VPS13A: variants seen among roughly 807,000 people sequenced by gnomAD.
VPS13A encodes vacuolar protein sorting 13 homolog A, also known as intermembrane lipid transfer protein VPS13A.
A neutral mutation model predicts 390.9 loss-of-function variants in VPS13A; 264 were observed. That is an observed-to-expected ratio of 0.68 (90% confidence interval 0.61 to 0.75). VPS13A has a LOEUF of 0.75. VPS13A is among the 30% of genes least tolerant of loss of function. The pLI, the probability that VPS13A is intolerant of heterozygous loss-of-function variation, is 0.00. For missense variants in VPS13A, 3,409 were observed against 3,733.9 expected (o/e 0.91, Z 2.27); for synonymous variants, 1,231 against 1,227.1 (o/e 1.00, Z -0.07).
intron 1 of VPS13A, among the ~76,000 whole-genome samples, chr9:77,180,732 ATC>A (rs1823961605): frequency 6.6e-6 from 1 of 152,216 alleles, no homozygotes; most frequent in African/African-American, 2.4e-5. Context: ...TAAAAAAAAA[ATC>A]AGTAGACTTA....
chr9:77,178,117 T>A, intron 1 of VPS13A: 1 of 348,280 alleles, frequency 2.9e-6, no homozygotes, highest in Non-Finnish European at 5.5e-6. Flanking sequence ...GGGGCCGTTC[T>A]CTACCCCTGG....
At chr9:77,385,291 T>C in intron 68 of VPS13A, 1 of 513,734 alleles carries the variant, frequency 1.9e-6, no homozygotes, top group Non-Finnish European at 2.5e-6. Flanking sequence ...AGTAAAATAA[T>C]TTATAGTCTG....
chr9:77,250,530 A>C (rs990003238), intron 21 of VPS13A, among the ~76,000 whole-genome samples: 1 of 152,224 alleles, frequency 6.6e-6, no homozygotes, highest in Admixed American at 6.5e-5. Flanking sequence ...CCAGTCCCTC[A>C]TAATAAATAT....
intron 19 of VPS13A, among the ~76,000 whole-genome samples, chr9:77,242,502 A>G (rs887221970): frequency 2.0e-5 from 3 of 152,038 alleles, no homozygotes; most frequent in Non-Finnish European, 2.9e-5. Context: ...TAGATTGTAC[A>G]TGAATACCTT....
chr9:77,309,601 T>C (rs1468465887), intron 35 of VPS13A, among the ~76,000 whole-genome samples: 4 of 152,110 alleles, frequency 2.6e-5, no homozygotes, highest in Non-Finnish European at 5.9e-5. Context: ...ATAGAACAAT[T>C]ATAACAATAT....
At chr9:77,270,696 C>CA (rs199623588) in intron 23 of VPS13A, among the ~76,000 whole-genome samples, 8,293 of 147,984 alleles carry the variant, frequency 0.056, 327 homozygotes, top group South Asian at 0.12. Context: ...GTCTCAAAAA[C>CA]AAAAAAAAAA....
chr9:77,389,333 A>T (rs917641384), intron 68 of VPS13A, among the ~76,000 whole-genome samples: 26 of 147,566 alleles, frequency 1.8e-4, no homozygotes, highest in African/African-American at 6.3e-4. Flanking sequence ...TTTGAGACAG[A>T]GTTTCACTCC....
chr9:77,304,967 C>G (rs1286603057), intron 34 of VPS13A, among the ~76,000 whole-genome samples: 1 of 146,082 alleles, frequency 6.8e-6, no homozygotes, highest in Non-Finnish European at 1.5e-5. Flanking sequence ...GAGATGGAGT[C>G]TCGCTCTGTT....
intron 68 of VPS13A, chr9:77,382,554 C>G: frequency 8.6e-7 from 1 of 1,165,284 alleles, no homozygotes; most frequent in South Asian, 3.7e-5. Flanking sequence ...CCAATTAAAC[C>G]ATTTCTGTTG....
At chr9:77,183,577 A>G (rs895750059) in intron 1 of VPS13A, among the ~76,000 whole-genome samples, 1 of 152,178 alleles carries the variant, frequency 6.6e-6, no homozygotes, top group Admixed American at 6.5e-5. Context: ...ATTGCTGACC[A>G]TAGCAAGTGG....
chr9:77,231,723 C>T (rs894628386), intron 17 of VPS13A, among the ~76,000 whole-genome samples: 1 of 152,116 alleles, frequency 6.6e-6, no homozygotes, highest in Non-Finnish European at 1.5e-5. Flanking sequence ...TTCATTGATA[C>T]TGTCCTTTGG....
rs923445927 is a variant in VPS13A at position 77,329,925 on chromosome 9, C to T, written c.5992-2085C>T. Among the ~76,000 whole-genome samples, 44 of 152,128 alleles carry T rather than the reference C, an allele frequency of 2.9e-4. 2 individuals carry two copies. Among genetic ancestry groups the T allele is most frequent in the Non-Finnish European group, 2.9e-5 (2 of 68,016 alleles). On this transcript the variant is annotated intron_variant, in intron 45 of 71. Coordinates refer to ENST00000360280, the MANE Select transcript of VPS13A (RefSeq NM_033305.3). Reference sequence around the variant, plus strand: ...TTTCAGTTTAACATCTATGTTCATCCTGCTATCATATTGCTGTTGTGTAGT... The same window carrying T: ...TTTCAGTTTAACATCTATGTTCATCTTGCTATCATATTGCTGTTGTGTAGT...
At chr9:77,187,726 T>G (rs1824427587) in intron 1 of VPS13A, among the ~76,000 whole-genome samples, 1 of 152,164 alleles carries the variant, frequency 6.6e-6, no homozygotes, top group South Asian at 2.1e-4. Flanking sequence ...AACTTTTATT[T>G]TAGGTTCATG....
At chr9:77,397,809 A>G (rs1439614706) in intron 68 of VPS13A, among the ~76,000 whole-genome samples, 1 of 152,242 alleles carries the variant, frequency 6.6e-6, no homozygotes, top group East Asian at 1.9e-4. Flanking sequence ...ACAATTGTAT[A>G]TAATGAATGC....
At chr9:77,212,415 G>T (rs1219565583) in intron 7 of VPS13A, among the ~76,000 whole-genome samples, 1 of 151,942 alleles carries the variant, frequency 6.6e-6, no homozygotes, top group Non-Finnish European at 1.5e-5. Flanking sequence ...TTAGTTACAT[G>T]TTATATATTA....
At chr9:77,209,622 G>A (rs1240638347) in intron 6 of VPS13A, 90 bp downstream of exon 6, 1 of 792,550 alleles carries the variant, frequency 1.3e-6, no homozygotes, top group African/African-American at 1.7e-5. Flanking sequence ...TGGCCAATCT[G>A]TTAAATCCCA....
intron 68 of VPS13A, among the ~76,000 whole-genome samples, chr9:77,383,230 C>A (rs12349298): frequency 0.12 from 18,387 of 151,776 alleles, 1,220 homozygotes; most frequent in African/African-American, 0.16. Flanking sequence ...AAAAATGTAA[C>A]CATAGAGTTA....
intron 24 of VPS13A, among the ~76,000 whole-genome samples, chr9:77,274,285 G>A (rs1826512696): frequency 6.6e-6 from 1 of 152,056 alleles, no homozygotes; most frequent in Admixed American, 6.6e-5. Context: ...AAAATTAGCT[G>A]GGAGTGGTGC....
At chr9:77,316,087 C>G in intron 38 of VPS13A, 87 bp from the exon 39 acceptor site, 1 of 736,678 alleles carries the variant, frequency 1.4e-6, no homozygotes, top group Non-Finnish European at 1.8e-6. Flanking sequence ...TTACTTTTTA[C>G]TATTATTTCA....
Sources: gnomAD v4.1 joint callset for allele counts (sites outside exome capture counted in the v4.1 genomes callset) on GRCh38, gnomAD v4.1.1 for gene constraint, MANE v1.5 for transcripts, NCBI Gene and HGNC (gene_info 2026-07-23, HGNC 2026-07-21) for gene names.